The following MSI2 variants were observed in gnomAD, a reference collection of about 807,000 sequenced individuals.
MSI2 encodes musashi RNA binding protein 2.
In MSI2, 17 loss-of-function variants were observed where a neutral mutation model predicts 45.6. That is an observed-to-expected ratio of 0.37 (90% CI 0.26 to 0.56). MSI2 has a LOEUF of 0.56. MSI2 is among the 20% of genes least tolerant of loss of function. The probability of loss-of-function intolerance (pLI) is 0.77; values close to 1 mark genes in which losing one functional copy is unlikely to be tolerated. For missense variants in MSI2, 293 were observed against 444.2 expected, an observed-to-expected ratio of 0.66 and a Z score of 3.06; for synonymous variants, 156 against 158.2, an observed-to-expected ratio of 0.99 and a Z score of 0.11.
chr17:57,275,772 A>G (rs1003770907), intron 5 of MSI2, among the ~76,000 whole-genome samples: 3 of 152,212 alleles, frequency 2.0e-5, no homozygotes, highest in Admixed American at 2.0e-4. Context: ...AGGAGGAGGG[A>G]AATAGCAGTA....
At chr17:57,555,931 CTTG>C (rs1467550242) in intron 7 of MSI2, among the ~76,000 whole-genome samples, 10 of 152,216 alleles carry the variant, frequency 6.6e-5, no homozygotes, top group Non-Finnish European at 1.3e-4. Flanking sequence ...AGAACCACCA[CTTG>C]TTGTGACTAT....
intron 5 of MSI2, among the ~76,000 whole-genome samples, chr17:57,277,094 C>T (rs1313986124): frequency 2.1e-5 from 3 of 142,540 alleles, no homozygotes; most frequent in Admixed American, 7.3e-5. Flanking sequence ...TCTGCTGTCT[C>T]GCCCAGGCTG....
chr17:57,287,058 A>G (rs79537179), intron 5 of MSI2, among the ~76,000 whole-genome samples: 1 of 152,100 alleles, frequency 6.6e-6, no homozygotes, highest in Non-Finnish European at 1.5e-5. Context: ...AAAAAGAAAG[A>G]AAAAAAGCAG....
intron 6 of MSI2, among the ~76,000 whole-genome samples, chr17:57,481,725 G>A (rs530230741): frequency 2.6e-5 from 4 of 152,178 alleles, no homozygotes; most frequent in Non-Finnish European, 5.9e-5. Context: ...AAGGGGCAAG[G>A]AAAAGGCAAC....
downstream of MSI2, among the ~76,000 whole-genome samples, chr17:57,686,670 C>T (rs1178751645): frequency 6.6e-6 from 1 of 152,078 alleles, no homozygotes; most frequent in African/African-American, 2.4e-5. Context: ...AATATTATGT[C>T]ATGACAAAAG....
intron 5 of MSI2, among the ~76,000 whole-genome samples, chr17:57,306,640 T>C (rs947419089): frequency 3.3e-5 from 5 of 152,236 alleles, no homozygotes; most frequent in Admixed American, 3.3e-4. Flanking sequence ...ACTGGGGGTG[T>C]ACCTGGTGAC....
chr17:57,626,871 C>T (rs1217050299), intron 9 of MSI2: 1 of 280,764 alleles, frequency 3.6e-6, no homozygotes, highest in Non-Finnish European at 6.7e-6. Context: ...TAATCTCCTA[C>T]TGTCAATAGC....
At chr17:57,576,394 G>T (rs1035673528) in intron 7 of MSI2, among the ~76,000 whole-genome samples, 8 of 152,220 alleles carry the variant, frequency 5.3e-5, no homozygotes, top group Non-Finnish European at 1.5e-5. Context: ...AATGTTTGTT[G>T]TAGGAATAGA....
Position 57,350,225 on chromosome 17 carries a change from GGTGTGT to G in MSI2, c.313-51129_313-51124del, listed in dbSNP as rs58596259. Reference sequence around the variant, plus strand: ...TATTGTTAACAGTGCCAGAGGTAGGGGTGTGTGTGTGTGTGTGTGTGTGTGTGTGTT... The same window carrying G: ...TATTGTTAACAGTGCCAGAGGTAGGGGTGTGTGTGTGTGTGTGTGTGTGTT... On this transcript the variant is annotated intron_variant, in intron 5 of 13. Coordinates refer to ENST00000284073, the MANE Select transcript of MSI2 (RefSeq NM_138962.4). Among the ~76,000 whole-genome samples the G allele has an allele frequency of 2.6e-4, 38 of 146,740 alleles. 1 individual carries two copies. In the South Asian group the frequency reaches 7.6e-3, roughly 29 times the overall value.
chr17:57,400,714 C>G (rs1050041204), intron 5 of MSI2, among the ~76,000 whole-genome samples: 1 of 151,832 alleles, frequency 6.6e-6, no homozygotes, highest in Non-Finnish European at 1.5e-5. Flanking sequence ...TACAACTTGC[C>G]GTAGTTAGGT....
chr17:57,524,044 G>A (rs908204559), intron 6 of MSI2, among the ~76,000 whole-genome samples: 1 of 152,222 alleles, frequency 6.6e-6, no homozygotes, highest in African/African-American at 2.4e-5. Context: ...CATGCTTTGA[G>A]GGTGACTGGC....
At chr17:57,676,905 A>C in intron 12 of MSI2, 82 bp from the exon 13 acceptor site, 11 of 907,828 alleles carry the variant, frequency 1.2e-5, no homozygotes, top group Non-Finnish European at 2.1e-5. Context: ...AACTAGTCCT[A>C]GAGATAATTT....
At chr17:57,348,632 T>G (rs2143828401) in intron 5 of MSI2, among the ~76,000 whole-genome samples, 1 of 152,186 alleles carries the variant, frequency 6.6e-6, no homozygotes, top group Admixed American at 6.5e-5. Flanking sequence ...CCCTCCGCCA[T>G]GATTAGAAGC....
At chr17:57,264,910 G>T (rs565225585) in intron 5 of MSI2, 20 of 152,384 alleles carry the variant, frequency 1.3e-4, no homozygotes, top group African/African-American at 4.8e-4. Flanking sequence ...CTGGGCCTAG[G>T]TGATTTGCCT....
chr17:57,360,286 C>T (rs1161966778), intron 5 of MSI2, among the ~76,000 whole-genome samples: 1 of 152,254 alleles, frequency 6.6e-6, no homozygotes, highest in African/African-American at 2.4e-5. Flanking sequence ...TACCCTGCCT[C>T]ACATCAGAAA....
chr17:57,654,921 T>TG (rs1911477792), intron 11 of MSI2, among the ~76,000 whole-genome samples: 1 of 150,920 alleles, frequency 6.6e-6, no homozygotes, highest in Non-Finnish European at 1.5e-5. Context: ...TTGGGTTTTT[T>TG]TTTTTTTTTT....
chr17:57,441,824 A>G (rs1482158962), intron 6 of MSI2, among the ~76,000 whole-genome samples: 3 of 152,162 alleles, frequency 2.0e-5, no homozygotes, highest in Non-Finnish European at 4.4e-5. Context: ...GTGTGTAGCA[A>G]TAGTAGTCAT....
intron 7 of MSI2, among the ~76,000 whole-genome samples, chr17:57,555,748 A>C (rs530146821): frequency 1.3e-5 from 2 of 152,334 alleles, no homozygotes; most frequent in South Asian, 2.1e-4. Flanking sequence ...TATGCTTATT[A>C]ACCAGAAGAG....
intron 8 of MSI2, among the ~76,000 whole-genome samples, chr17:57,598,809 T>C (rs574368923): frequency 5.0e-4 from 76 of 152,296 alleles, no homozygotes; most frequent in African/African-American, 1.8e-3. Flanking sequence ...ACTACAGGCA[T>C]GTGCCAGCAC....
Sources: allele counts gnomAD v4.1 joint callset (sites outside exome capture counted in the v4.1 genomes callset), GRCh38; gene constraint gnomAD v4.1.1; transcripts MANE v1.5; gene names NCBI Gene and HGNC (gene_info 2026-07-23, HGNC 2026-07-21).